The following TRAF5 variants were observed in gnomAD, a reference collection of about 807,000 sequenced individuals.
TRAF5 encodes TNF receptor associated factor 5.
A neutral mutation model predicts 64.5 loss-of-function variants in TRAF5; 48 were observed. The observed-to-expected ratio is 0.74, with a 90% CI of 0.59 to 0.95. The LOEUF is 0.95. Ranked by LOEUF, TRAF5 falls within the 40% of genes least tolerant of loss-of-function variation. The pLI is 0.00. For missense variants in TRAF5, 545 were observed against 662.8 expected, an observed-to-expected ratio of 0.82 and a Z score of 1.95; for synonymous variants, 206 against 240.5, an observed-to-expected ratio of 0.86 and a Z score of 1.33.
intron 9 of TRAF5, among the ~76,000 whole-genome samples, chr1:211,370,280 T>A (rs1284469110): frequency 6.6e-6 from 1 of 152,006 alleles, no homozygotes; most frequent in African/African-American, 2.4e-5. Flanking sequence ...TGAAAAAGAT[T>A]TCAAGACATG....
intron 4 of TRAF5, chr1:211,359,182 CT>C (rs963590776): frequency 6.6e-6 from 1 of 152,130 alleles, no homozygotes; most frequent in Non-Finnish European, 1.5e-5. Context: ...GACTTGAGTC[CT>C]GGCCTTAAGT....
At chr1:211,345,391 G>A (rs183254793) in intron 1 of TRAF5, among the ~76,000 whole-genome samples, 41 of 151,462 alleles carry the variant, frequency 2.7e-4, no homozygotes, top group Non-Finnish European at 4.9e-4. Flanking sequence ...TTGCTTCCTG[G>A]TAGTAACTGT....
intron 1 of TRAF5, among the ~76,000 whole-genome samples, chr1:211,343,154 T>C (rs1243781531): frequency 6.6e-6 from 1 of 152,152 alleles, no homozygotes; most frequent in Non-Finnish European, 1.5e-5. Context: ...AGCATTTCAT[T>C]ATCATCGTTT....
At chr1:211,352,669 C>T (rs1215116577) in intron 1 of TRAF5, among the ~76,000 whole-genome samples, 1 of 151,956 alleles carries the variant, frequency 6.6e-6, no homozygotes, top group African/African-American at 2.4e-5. Context: ...GCTGACGTAA[C>T]AAAATACCTC....
intron 3 of TRAF5, among the ~76,000 whole-genome samples, 196 bp downstream of exon 3, chr1:211,354,663 C>G (rs61848980): frequency 0.17 from 25,089 of 151,982 alleles, 2,183 homozygotes; most frequent in African/African-American, 0.22. Context: ...ATTGACCACA[C>G]CCCTCCTCCA....
chr1:211,365,435 G>A lies in TRAF5; in HGVS notation c.756G>A (p.Leu252=). The A allele has an allele frequency of 1.2e-6, 2 of 1,613,700 alleles. No individual in the cohort carries two copies. Among genetic ancestry groups the A allele is most frequent in the Non-Finnish European group, 1.7e-6 (2 of 1,179,796 alleles). ...EHSALREHMR[L]VLEKNVQLEE... ...CAGCCTTACGGGAGCACATGCGTTTGGTTTTAGAAAAGAATGTCCAATTAG... is the reference window on the plus strand; with the variant it reads ...CAGCCTTACGGGAGCACATGCGTTTAGTTTTAGAAAAGAATGTCCAATTAG... The change falls in exon 8 of 11, where the codon TTG becomes TTA. Residue 252 remains leucine (L), a synonymous_variant. Coordinates refer to ENST00000261464, the MANE Select transcript of TRAF5 (RefSeq NM_001033910.3).
intron 1 of TRAF5, among the ~76,000 whole-genome samples, chr1:211,329,181 G>A (rs1478014267): frequency 6.6e-6 from 1 of 152,182 alleles, no homozygotes; most frequent in Non-Finnish European, 1.5e-5. Context: ...GCAAACTCCG[G>A]GCAAGACCCT....
rs771824620 is a variant in TRAF5 at position 211,372,425 on chromosome 1, T to C, written c.1397T>C (p.Met466Thr). 3.7e-6 allele frequency: 6 copies of C among 1,614,174 alleles called. No homozygotes were observed. The East Asian group carries it at 6.7e-5, about 18-fold the overall frequency. The change falls in exon 11 of 11, where the codon ATG becomes ACG. Residue 466 changes from methionine to threonine, a missense_variant. Coordinates refer to ENST00000261464, the MANE Select transcript of TRAF5 (RefSeq NM_001033910.3). ...CACCTGTCCCTATACTTTGTGGTCATGCGAGGAGAGTTTGACTCACTGTTG... is the reference window on the plus strand; with the variant it reads ...CACCTGTCCCTATACTTTGTGGTCACGCGAGGAGAGTTTGACTCACTGTTG... ...GSHLSLYFVV[M>T]RGEFDSLLQW...
At position 211,369,591 on chromosome 1, in the gene TRAF5, A is replaced by G. The variant is rs149548418; in HGVS notation, c.929A>G (p.Gln310Arg). The G allele has an allele frequency of 7.2e-5, 114 of 1,586,914 alleles. No individual in the cohort carries two copies. The highest frequency in any genetic ancestry group is 9.1e-5 in the Non-Finnish European group (107 of 1,171,078). ...GKNGSFLPNI[Q>R]VFASHIDKSA... The stretch of plus-strand genomic sequence containing the variant: ...AATGGAAGCTTCCTCCCAAACATCC[A>G]GGTAAGAAATGGCCTTTGCGTTGAA... The change falls in exon 9 of 11, where the codon CAG (glutamine) becomes CGG (arginine). Residue 310 changes from glutamine (Q) to arginine (R), a missense_variant and splice_region_variant. Coordinates refer to ENST00000261464, the MANE Select transcript of TRAF5 (RefSeq NM_001033910.3).
At chr1:211,363,530 T>G (rs1052127241) in intron 7 of TRAF5, among the ~76,000 whole-genome samples, 1 of 152,194 alleles carries the variant, frequency 6.6e-6, no homozygotes, top group Admixed American at 6.5e-5. Context: ...TTCTTCATCT[T>G]ATGTTGTTTG....
intron 9 of TRAF5, among the ~76,000 whole-genome samples, chr1:211,370,276 A>C (rs979902225): frequency 9.2e-5 from 14 of 152,286 alleles, no homozygotes; most frequent in Non-Finnish European, 1.2e-4. Context: ...ATAGTGAAAA[A>C]GATTTCAAGA....
At chr1:211,365,494 AAGTG>A (rs1703322735) in intron 8 of TRAF5, 26 bp downstream of exon 8, 4 of 1,578,860 alleles carry the variant, frequency 2.5e-6, no homozygotes, top group Non-Finnish European at 3.5e-6. Flanking sequence ...TTCAAATAAA[AAGTG>A]AGGCAACAGA....
chr1:211,332,827 T>C (rs1412917723), intron 1 of TRAF5, among the ~76,000 whole-genome samples: 1 of 152,220 alleles, frequency 6.6e-6, no homozygotes, highest in East Asian at 1.9e-4. Flanking sequence ...AGTAGATTAT[T>C]TGGGAGCAGA....
chr1:211,342,543 A>G (rs1277998853), intron 1 of TRAF5, among the ~76,000 whole-genome samples: 1 of 152,184 alleles, frequency 6.6e-6, no homozygotes, highest in Non-Finnish European at 1.5e-5. Flanking sequence ...ATTGTTGACT[A>G]TAGTCACCCT....
In TRAF5 at chr1:211,353,299, C is replaced by T; in HGVS notation, c.60C>T (p.Gly20=). 6.2e-7 allele frequency: 1 copy of T among 1,614,242 alleles called. No homozygotes were observed. The change falls in exon 2 of 11, where the codon GGC becomes GGT. Residue 20 remains glycine, a synonymous_variant. Coordinates refer to ENST00000261464, the MANE Select transcript of TRAF5 (RefSeq NM_001033910.3). ...MPCGFIRQNS[G]NSISLDFEPS... ...GTGGTTTCATCCGCCAGAATTCCGG[C>T]AACTCCATTTCCTTGGACTTTGAGC...
intron 6 of TRAF5, 48 bp from the exon 7 acceptor site, chr1:211,361,039 TG>T: frequency 6.3e-7 from 1 of 1,580,142 alleles, no homozygotes; most frequent in Non-Finnish European, 8.7e-7. Context: ...TTGCTGCAGT[TG>T]GAGAATAAGT....
intron 1 of TRAF5, among the ~76,000 whole-genome samples, chr1:211,352,859 C>G (rs1337934370): frequency 2.6e-5 from 4 of 152,106 alleles, no homozygotes; most frequent in Non-Finnish European, 5.9e-5. Flanking sequence ...TTTCCATTCT[C>G]TCATTGAGTG....
chr1:211,326,922 T>C lies in TRAF5; in HGVS notation c.-2+33T>C. 1.0e-6 allele frequency: 1 copy of C among 984,936 alleles called. No individual in the cohort carries two copies. Among genetic ancestry groups the C allele is most frequent in the Non-Finnish European group, 1.2e-6 (1 of 829,276 alleles). 61.0% of individuals were successfully genotyped at this position (984,936 alleles called of 1,614,324 possible). A position where few individuals can be genotyped will look rare whatever the true frequency, so the allele number is the denominator to read the frequency against. The stretch of plus-strand genomic sequence containing the variant: ...CGGCGGGTCGCCGCCCTGGGCACCC[T>C]CGCGACGGAAGGGCCGGGGTGGGGA... On this transcript the variant is annotated intron_variant, in intron 1 of 10. Transcript: ENST00000261464. This position sits in a 1 kb window ranked among gnomAD's most constrained non-coding sequence, Gnocchi z 5.0.
intron 1 of TRAF5, among the ~76,000 whole-genome samples, chr1:211,343,409 A>G (rs1702500179): frequency 6.6e-6 from 1 of 151,978 alleles, no homozygotes; most frequent in African/African-American, 2.4e-5. Flanking sequence ...TCCTCATTTT[A>G]AAAAAAGGGG....
Sources: gnomAD v4.1 joint callset for allele counts (sites outside exome capture counted in the v4.1 genomes callset) on GRCh38, gnomAD v4.1.1 for gene constraint, Gnocchi (gnomAD v3.1) non-coding constraint, MANE v1.5 for transcripts, NCBI Gene and HGNC (gene_info 2026-07-23, HGNC 2026-07-21) for gene names.